The following LRRC41 variants were observed in gnomAD, a reference collection of about 807,000 sequenced individuals.
LRRC41 encodes leucine-rich repeat-containing protein 41.
LRRC41 carries 17 observed loss-of-function variants against 72.1 expected under a neutral mutation model. That is an observed-to-expected ratio of 0.24 (90% CI 0.16 to 0.35). The LOEUF is 0.35. Ranked by LOEUF, LRRC41 falls within the 10% of genes least tolerant of loss-of-function variation. The pLI is 1.00. For missense variants in LRRC41, 759 were observed against 1,065.0 expected (o/e 0.71, Z 4.00); for synonymous variants, 427 against 431.0 (o/e 0.99, Z 0.11).
Position 46,286,274 on chromosome 1 carries a change from G to C in LRRC41, c.583C>G (p.Leu195Val). Residue 195 changes from leucine to valine, a missense_variant, in exon 4 of 10, where the codon CTG becomes GTG. Physicochemically the swap from Leu to Val is conservative, Grantham distance 32. Around this residue, in one of 4 missense-constraint regions of LRRC41, gnomAD observed 116 missense variants for 250.9 expected, o/e 0.46. Coordinates refer to ENST00000617190, the MANE Select transcript of LRRC41 (RefSeq NM_006369.5). The surrounding 1 kb of genome is among the most constrained non-coding windows in gnomAD (Gnocchi z 5.5). Reference protein sequence around the residue: ...RRVLETLASSLHTLKFRHLLF... With the variant: ...RRVLETLASSVHTLKFRHLLF... ...AGGTGGCGGAACTTGAGAGTGTGCA[G>C]GGAGCTGGCCAGGGTCTCCAGAACC... is the stretch of plus-strand genomic sequence containing the variant. The C allele has an allele frequency of 6.2e-7, 1 of 1,614,264 alleles. No homozygotes were observed.
In LRRC41 at chr1:46,285,703, G is replaced by C. The variant is rs1433206592; in HGVS notation, c.1154C>G (p.Pro385Arg). ...KRAPASSAPQ[P>R]KPLKRFKRAA... is the part of the protein sequence containing the mutation. ...TCGCTTGAAACGCTTTAGGGGCTTA[G>C]GCTGTGGGGCTGAGCTAGCTGGTGC... Residue 385 changes from proline (P) to arginine (R), a missense_variant, in exon 4 of 10, where the codon CCT becomes CGT. Transcript: ENST00000617190. The surrounding 1 kb of genome is among the most constrained non-coding windows in gnomAD (Gnocchi z 5.3). The C allele has an allele frequency of 6.2e-7, 1 of 1,613,044 alleles. No individual in the cohort carries two copies. The highest frequency in any genetic ancestry group is 8.5e-7 in the Non-Finnish European group (1 of 1,179,512).
intron 4 of LRRC41, among the ~76,000 whole-genome samples, chr1:46,282,075 T>G (rs1241479862): frequency 7.5e-6 from 1 of 132,868 alleles, no homozygotes; most frequent in South Asian, 2.3e-4. Context: ...CAAGACTGTC[T>G]CAAAAAAAAA....
chr1:46,291,182 C>G (rs1051570333), intron 3 of LRRC41, among the ~76,000 whole-genome samples: 3 of 152,056 alleles, frequency 2.0e-5, no homozygotes, highest in Non-Finnish European at 2.9e-5. Flanking sequence ...CCTTGGCCTC[C>G]CAAAGTGCTG....
At position 46,279,043 on chromosome 1, in the gene LRRC41, T is replaced by C. The variant is rs1267950400; in HGVS notation, c.2261A>G (p.Lys754Arg). The C allele has an allele frequency of 6.2e-7, 1 of 1,611,164 alleles. No homozygotes were observed. Among genetic ancestry groups the C allele is most frequent in the Admixed American group, 1.7e-5 (1 of 59,550 alleles). Residue 754 changes from lysine to arginine, a missense_variant, in exon 10 of 10, where the codon AAG (lysine) becomes AGG (arginine). By Grantham distance (26) the Lys-to-Arg change is conservative. Around this residue, in one of 4 missense-constraint regions of LRRC41, gnomAD observed 110 missense variants for 227.0 expected, o/e 0.48. Transcript: ENST00000617190. This position sits in a 1 kb window ranked among gnomAD's most constrained non-coding sequence, Gnocchi z 4.5. Reference sequence around the variant, plus strand: ...TCCACGGCCCCAGCGCTCCAGCCGCTTGGCGAACTCCAGAAGCCCATCTGG... The same window carrying C: ...TCCACGGCCCCAGCGCTCCAGCCGCCTGGCGAACTCCAGAAGCCCATCTGG... ...IKPDGLLEFA[K>R]RLERWGRGAF...
At chr1:46,291,479 C>T (rs1046444831) in intron 3 of LRRC41, among the ~76,000 whole-genome samples, 4 of 151,264 alleles carry the variant, frequency 2.6e-5, no homozygotes, top group Admixed American at 1.3e-4. Flanking sequence ...GGACTATAGA[C>T]GCATGCCACT....
chr1:46,294,592 C>CTTTTTTT (rs60249294), intron 3 of LRRC41, among the ~76,000 whole-genome samples: 8 of 108,348 alleles, frequency 7.4e-5, no homozygotes, highest in East Asian at 3.1e-4. Context: ...ACAACTAATT[C>CTTTTTTT]TTTTTTTTTT....
intron 7 of LRRC41, 33 bp downstream of exon 7, chr1:46,280,159 A>G: frequency 2.6e-6 from 4 of 1,527,588 alleles, no homozygotes; most frequent in Non-Finnish European, 3.6e-6. Context: ...GTGAAGACCC[A>G]GGAAATGTCC....
In LRRC41 at chr1:46,285,286, A is replaced by G. The variant is rs777916035; in HGVS notation, c.1495+76T>C. On this transcript the variant is annotated intron_variant, in intron 4 of 9. Coordinates refer to ENST00000617190, the MANE Select transcript of LRRC41 (RefSeq NM_006369.5). The surrounding 1 kb of genome is among the most constrained non-coding windows in gnomAD (Gnocchi z 5.3). ...ATCATACCCCCAATTTGCCCCTCCC[A>G]CCTCCCTAGAATTAGGCACACAGCT... 2.0e-5 allele frequency: 31 copies of G among 1,513,516 alleles called. No homozygotes were observed. In the East Asian group the frequency reaches 6.0e-4, roughly 29 times the overall value. The allele number at this position is 1,513,516 out of a possible 1,614,324, so 93.8% of individuals were successfully genotyped here.
Position 46,279,677 on chromosome 1 carries a change from C to G in LRRC41, c.2021-63G>C. 6.2e-7 allele frequency: 1 copy of G among 1,603,270 alleles called. No homozygotes were observed. Among genetic ancestry groups the G allele is most frequent in the Non-Finnish European group, 8.5e-7 (1 of 1,172,432 alleles). ...TTAGGACTGGTGCTGCCCCTCCTGC[C>G]CCAGTTGGCCCTAGCAAGGGGTATT... On this transcript the variant is annotated intron_variant, in intron 7 of 9. Transcript: ENST00000617190. The surrounding 1 kb of genome is among the most constrained non-coding windows in gnomAD (Gnocchi z 4.5).
At chr1:46,281,412 A>G in intron 4 of LRRC41, 27 bp from the exon 5 acceptor site, 1 of 1,611,374 alleles carries the variant, frequency 6.2e-7, no homozygotes, top group African/African-American at 1.3e-5. Context: ...ATTAAGTCAG[A>G]ACCATGTGGG....
At chr1:46,296,785 T>A (rs937444152) in intron 3 of LRRC41, 3 of 152,258 alleles carry the variant, frequency 2.0e-5, no homozygotes, top group Non-Finnish European at 2.9e-5. Flanking sequence ...AGAATTAGCT[T>A]GTTTCATAAG....
rs756966502 is a variant in LRRC41 at position 46,278,133 on chromosome 1, T to G, written c.*732A>C. 1 of 1,613,954 alleles carries G rather than the reference T, an allele frequency of 6.2e-7. No homozygotes were observed. The highest frequency in any genetic ancestry group is 1.7e-5 in the Admixed American group (1 of 59,996). On this transcript the variant is annotated 3_prime_UTR_variant, in exon 10 of 10. Coordinates refer to ENST00000617190, the MANE Select transcript of LRRC41 (RefSeq NM_006369.5). ...CCGGCCACCCCCTGATGGTTCTGAC[T>G]GCACTTCAGACCTGGCAGGGTGGAA...
Position 46,302,448 on chromosome 1 carries a change from A to G in LRRC41, c.199+676T>C. 2.0e-6 allele frequency: 2 copies of G among 984,798 alleles called. No individual in the cohort carries two copies. Among genetic ancestry groups the G allele is most frequent in the Non-Finnish European group, 2.4e-6 (2 of 829,782 alleles). The allele number at this position is 984,798 out of a possible 1,614,324, so 61.0% of individuals were successfully genotyped here. On this transcript the variant is annotated intron_variant, in intron 1 of 9. Transcript: ENST00000617190. The surrounding 1 kb of genome is among the most constrained non-coding windows in gnomAD (Gnocchi z 4.7). Reference sequence around the variant, plus strand: ...GGGTCGCACGGTCGCTCGGTCGCTTAGTCAGTTTGGCACCCGAGACCCCGG... The same window carrying G: ...GGGTCGCACGGTCGCTCGGTCGCTTGGTCAGTTTGGCACCCGAGACCCCGG...
At chr1:46,289,362 G>A (rs1477148366) in intron 3 of LRRC41, among the ~76,000 whole-genome samples, 1 of 152,160 alleles carries the variant, frequency 6.6e-6, no homozygotes, top group African/African-American at 2.4e-5. Flanking sequence ...CAGCATTTTT[G>A]TGACAGTTAA....
rs1001034237 is a variant in LRRC41 at position 46,302,015 on chromosome 1, A to C, written c.199+1109T>G. 1 of 985,126 alleles carries C rather than the reference A, an allele frequency of 1.0e-6. No homozygotes were observed. Among genetic ancestry groups the C allele is most frequent in the Admixed American group, 6.1e-5 (1 of 16,266 alleles). The allele number at this position is 985,126 out of a possible 1,614,324, so 61.0% of individuals were successfully genotyped here. Reference sequence around the variant, plus strand: ...TTTCACTTGCCCCACGTCGGACCCAAGTTTCCCTCGTCAGCGGCCAGGCCG... The same window carrying C: ...TTTCACTTGCCCCACGTCGGACCCACGTTTCCCTCGTCAGCGGCCAGGCCG... On this transcript the variant is annotated intron_variant, in intron 1 of 9. Coordinates refer to ENST00000617190, the MANE Select transcript of LRRC41 (RefSeq NM_006369.5). This position sits in a 1 kb window ranked among gnomAD's most constrained non-coding sequence, Gnocchi z 4.7.
rs1660857060 is a variant in LRRC41 at position 46,285,079 on chromosome 1, T to C, written c.1495+283A>G. The stretch of plus-strand genomic sequence containing the variant: ...TATACTATACTGCTCCCACCTGCCC[T>C]TGGACTGCCTTCCATATCTAAAATG... On this transcript the variant is annotated intron_variant, in intron 4 of 9. Coordinates refer to ENST00000617190, the MANE Select transcript of LRRC41 (RefSeq NM_006369.5). This position sits in a 1 kb window ranked among gnomAD's most constrained non-coding sequence, Gnocchi z 5.3. 1 of 474,102 alleles carries C rather than the reference T, an allele frequency of 2.1e-6. No homozygotes were observed. The highest frequency in any genetic ancestry group is 3.9e-6 in the Non-Finnish European group (1 of 256,672). 29.4% of individuals were successfully genotyped at this position (474,102 alleles called of 1,614,324 possible).
chr1:46,284,761 G>A (rs1320266023), intron 4 of LRRC41, among the ~76,000 whole-genome samples: 1 of 152,164 alleles, frequency 6.6e-6, no homozygotes, highest in African/African-American at 2.4e-5. Flanking sequence ...AATGGGAGCT[G>A]ATGTTGCAAG....
chr1:46,281,065 G>A lies in LRRC41; in HGVS notation c.1756+60C>T, dbSNP rs1660763573. On this transcript the variant is annotated intron_variant, in intron 5 of 9. Coordinates refer to ENST00000617190, the MANE Select transcript of LRRC41 (RefSeq NM_006369.5). ...CCCCTTTCCCCATACGAATGCATCTGCACCTTTGTGTGGGGATACACGTGC... is the reference window on the plus strand; with the variant it reads ...CCCCTTTCCCCATACGAATGCATCTACACCTTTGTGTGGGGATACACGTGC... The A allele has an allele frequency of 4.0e-5, 63 of 1,590,436 alleles. 1 individual carries two copies. In the South Asian group the frequency reaches 6.9e-4, roughly 17 times the overall value.
intron 3 of LRRC41, among the ~76,000 whole-genome samples, chr1:46,292,487 A>T (rs1160558941): frequency 6.6e-6 from 1 of 152,212 alleles, no homozygotes; most frequent in Admixed American, 6.5e-5. Flanking sequence ...AGCATAGTAA[A>T]ATGCAAATTT....
Sources: allele counts gnomAD v4.1 joint callset (sites outside exome capture counted in the v4.1 genomes callset), GRCh38; gene constraint gnomAD v4.1.1; regional missense constraint gnomAD v4.1.1; non-coding constraint Gnocchi (gnomAD v3.1); transcripts MANE v1.5; gene names NCBI Gene and HGNC (gene_info 2026-07-23, HGNC 2026-07-21).